ELAVL2: variants seen among roughly 807,000 people sequenced by gnomAD.
ELAVL2 encodes the protein ELAV-like protein 2.
In ELAVL2, 4 loss-of-function variants were observed where a neutral mutation model predicts 34.6. That is an observed-to-expected ratio of 0.12 (90% CI 0.06 to 0.26). The LOEUF (loss-of-function observed/expected upper bound fraction) is 0.26, where lower values mean the gene tolerates loss of function less well. Among genes scored for constraint, ELAVL2 ranks in the 10% least tolerant of loss-of-function variants. The pLI is 1.00. For missense variants in ELAVL2, 432 were observed against 442.8 expected (o/e 0.98, Z 0.22); for synonymous variants, 193 against 154.8 (o/e 1.25, Z -1.83).
At chr9:23,748,447 G>A (rs932905263) in intron 2 of ELAVL2, among the ~76,000 whole-genome samples, 1 of 152,134 alleles carries the variant, frequency 6.6e-6, no homozygotes, top group Non-Finnish European at 1.5e-5. Flanking sequence ...TGAAGGCAGA[G>A]AAGACTTCCA....
intron 3 of ELAVL2, among the ~76,000 whole-genome samples, chr9:23,727,986 C>T (rs1266648776): frequency 6.6e-6 from 1 of 152,090 alleles, no homozygotes; most frequent in East Asian, 1.9e-4. Context: ...CTTGTATATA[C>T]TAACCAATCT....
chr9:23,761,032 T>C (rs1001896789), intron 2 of ELAVL2, among the ~76,000 whole-genome samples: 1 of 152,076 alleles, frequency 6.6e-6, no homozygotes. Flanking sequence ...ACCAGAAGTC[T>C]AGGGCTGACT....
At chr9:23,751,773 G>C (rs1375974041) in intron 2 of ELAVL2, among the ~76,000 whole-genome samples, 3 of 152,150 alleles carry the variant, frequency 2.0e-5, no homozygotes, top group Admixed American at 6.6e-5. Flanking sequence ...AAGCTCACTT[G>C]AGAGCACCTT....
intron 6 of ELAVL2, among the ~76,000 whole-genome samples, chr9:23,693,225 C>T (rs1328884356): frequency 2.0e-5 from 3 of 152,108 alleles, no homozygotes; most frequent in African/African-American, 4.8e-5. Context: ...AACGTCGTAA[C>T]GCAATACGAA....
At chr9:23,815,588 A>G (rs2063592457) in intron 1 of ELAVL2, among the ~76,000 whole-genome samples, 1 of 152,208 alleles carries the variant, frequency 6.6e-6, no homozygotes, top group Non-Finnish European at 1.5e-5. Flanking sequence ...TTTCATTGTC[A>G]AAAAATCTTG....
rs142141944 is a variant in ELAVL2, at chr9:23,802,221, C to G, written c.-16+23585G>C. Among the ~76,000 whole-genome samples the G allele has an allele frequency of 6.6e-4, 100 of 152,154 alleles. 2 individuals are homozygous for G. In the East Asian group the frequency reaches 0.016, roughly 25 times the overall value. The stretch of plus-strand genomic sequence containing the variant: ...AGCTCATGTGACCTTCCAACGTGCT[C>G]CAAGTATGTTGTATGTAGATGTGTG... On this transcript the variant is annotated intron_variant, in intron 1 of 6. Coordinates refer to ENST00000397312, the MANE Select transcript of ELAVL2 (RefSeq NM_004432.5).
At chr9:23,827,492 GAT>G (rs2065358777), upstream of ELAVL2, among the ~76,000 whole-genome samples, 1 of 152,144 alleles carries the variant, frequency 6.6e-6, no homozygotes, top group Non-Finnish European at 1.5e-5. Context: ...AATCTTGAAA[GAT>G]AGCACCAACT....
At chr9:23,777,621 A>C (rs1402805640) in intron 1 of ELAVL2, among the ~76,000 whole-genome samples, 2 of 151,908 alleles carry the variant, frequency 1.3e-5, no homozygotes, top group African/African-American at 2.4e-5. Context: ...CTAAAGAGCA[A>C]AAGTGGGAAA....
chr9:23,723,246 A>G (rs1251098006), intron 3 of ELAVL2, among the ~76,000 whole-genome samples: 1 of 152,168 alleles, frequency 6.6e-6, no homozygotes, highest in African/African-American at 2.4e-5. Flanking sequence ...CAGCCATAAA[A>G]AATGATGAGT....
At chr9:23,820,665 G>T (rs1341278602) in intron 1 of ELAVL2, among the ~76,000 whole-genome samples, 2 of 152,152 alleles carry the variant, frequency 1.3e-5, no homozygotes. Flanking sequence ...GCATTGTCAC[G>T]GCCACTGGAG....
At chr9:23,705,128 T>C in intron 3 of ELAVL2, 57 bp from the exon 4 acceptor site, 2 of 1,596,892 alleles carry the variant, frequency 1.3e-6, no homozygotes, top group Non-Finnish European at 1.7e-6. Flanking sequence ...CACCTCCCTT[T>C]AGAAACTCAA....
At chr9:23,780,313 G>A (rs1056922181) in intron 1 of ELAVL2, among the ~76,000 whole-genome samples, 2 of 152,094 alleles carry the variant, frequency 1.3e-5, no homozygotes, top group African/African-American at 2.4e-5. Flanking sequence ...AGAATGTGAA[G>A]CTCTCACATT....
At chr9:23,701,135 C>T (rs1325141220) in intron 5 of ELAVL2, among the ~76,000 whole-genome samples, 1 of 152,158 alleles carries the variant, frequency 6.6e-6, no homozygotes, top group Non-Finnish European at 1.5e-5. Context: ...AGGCAAAAAT[C>T]ACCCTTGGTT....
Position 23,693,259 on chromosome 9 carries a change from C to T in ELAVL2, c.752+189G>A, listed in dbSNP as rs376798305. Among the ~76,000 whole-genome samples, 92 of 152,234 alleles carry T rather than the reference C, an allele frequency of 6.0e-4. No homozygotes were observed. In the South Asian group the frequency reaches 8.1e-3, roughly 13 times the overall value. On this transcript the variant is annotated intron_variant, in intron 6 of 6. Coordinates refer to ENST00000397312, the MANE Select transcript of ELAVL2 (RefSeq NM_004432.5). The stretch of plus-strand genomic sequence containing the variant: ...AAACAAATGATGGGTTTTTAAAAGA[C>T]CAGGTGGCATCCGGTGGTATAAAAA...
At chr9:23,734,976 T>A (rs1234763018) in intron 2 of ELAVL2, among the ~76,000 whole-genome samples, 1 of 151,572 alleles carries the variant, frequency 6.6e-6, no homozygotes, top group Non-Finnish European at 1.5e-5. Context: ...ATACTGATAA[T>A]CCCCAAACTA....
intron 1 of ELAVL2, among the ~76,000 whole-genome samples, chr9:23,783,850 T>C (rs2059370946): frequency 6.6e-6 from 1 of 152,032 alleles, no homozygotes; most frequent in African/African-American, 2.4e-5. Context: ...CTCTCTGTTG[T>C]CATAGGTTCA....
intron 1 of ELAVL2, among the ~76,000 whole-genome samples, chr9:23,773,899 A>T (rs2057740668): frequency 6.6e-6 from 1 of 152,142 alleles, no homozygotes; most frequent in Non-Finnish European, 1.5e-5. Context: ...GATGTCTCTT[A>T]AAATGTTAGC....
At chr9:23,728,577 A>C (rs1047149567) in intron 3 of ELAVL2, among the ~76,000 whole-genome samples, 1 of 152,092 alleles carries the variant, frequency 6.6e-6, no homozygotes. Context: ...GCTGTGTAAG[A>C]AAGTGGTGCT....
chr9:23,723,006 A>G (rs569684205), intron 3 of ELAVL2, among the ~76,000 whole-genome samples: 5 of 152,260 alleles, frequency 3.3e-5, no homozygotes, highest in Admixed American at 3.3e-4. Context: ...CCTACCCCAC[A>G]TTCCCCTTAA....
Sources: gnomAD v4.1 joint callset for allele counts (sites outside exome capture counted in the v4.1 genomes callset) on GRCh38, gnomAD v4.1.1 for gene constraint, MANE v1.5 for transcripts, NCBI Gene and HGNC (gene_info 2026-07-23, HGNC 2026-07-21) for gene names.